RSF1: variants seen among roughly 807,000 people sequenced by gnomAD.
RSF1 encodes HBV pX-associated protein 8.
In RSF1, 13 loss-of-function variants were observed where a neutral mutation model predicts 145.2. The observed-to-expected ratio is 0.09, with a 90% CI of 0.06 to 0.14. RSF1 has a LOEUF of 0.14. Among genes scored for constraint, RSF1 ranks in the 10% least tolerant of loss-of-function variants. RSF1 has a pLI of 1.00. For synonymous variants in RSF1, 577 were observed against 592.6 expected (o/e 0.97, Z 0.38); for missense variants, 1,517 against 1,718.2 (o/e 0.88, Z 2.07).
chr11:77,697,624 CTA>C (rs1960314000), intron 7 of RSF1, among the ~76,000 whole-genome samples: 1 of 148,980 alleles, frequency 6.7e-6, no homozygotes, highest in Admixed American at 6.7e-5. Flanking sequence ...AGAAAGCTCT[CTA>C]TAAAAGTGGT....
At chr11:77,853,992 TC>T in the RSF1 span, among the ~76,000 whole-genome samples, 1 of 56,946 alleles carries the variant, frequency 1.8e-5, no homozygotes, top group South Asian at 8.2e-4. Flanking sequence ...TCCTCCAAAT[TC>T]TTTTTTTTTT....
At chr11:77,867,225 G>T in the RSF1 span, among the ~76,000 whole-genome samples, 12 of 151,874 alleles carry the variant, frequency 7.9e-5, no homozygotes, top group African/African-American at 2.9e-4. Context: ...TCTTTCTCTC[G>T]CCCATTTGTT....
intron 15 of RSF1, among the ~76,000 whole-genome samples, chr11:77,668,754 C>A (rs551066625): frequency 6.6e-6 from 1 of 152,016 alleles, no homozygotes; most frequent in Non-Finnish European, 1.5e-5. Flanking sequence ...AGGTTATATG[C>A]GAATATGACA....
the RSF1 span, among the ~76,000 whole-genome samples, chr11:77,834,131 T>G: frequency 6.6e-6 from 1 of 152,202 alleles, no homozygotes; most frequent in African/African-American, 2.4e-5. Flanking sequence ...TCATGCAGAT[T>G]CATATATACT....
chr11:77,695,895 T>C (rs185871587), intron 7 of RSF1, among the ~76,000 whole-genome samples: 81 of 152,314 alleles, frequency 5.3e-4, no homozygotes, highest in Admixed American at 1.3e-3. Context: ...TCTACCATCA[T>C]AGGGTTCATC....
rs149388887 is a variant in RSF1, at chr11:77,663,356, A to G, written c.*3561T>C. 1 of 152,180 alleles carries G rather than the reference A, an allele frequency of 6.6e-6. No homozygotes were observed. Among genetic ancestry groups the G allele is most frequent in the African/African-American group, 2.4e-5 (1 of 41,452 alleles). The allele number at this position is 152,180 out of a possible 1,614,324, so 9.4% of individuals were successfully genotyped here. On this transcript the variant is annotated 3_prime_UTR_variant, in exon 16 of 16. Transcript: ENST00000308488. ...CAAGTAAATGTCCATGTTTTTCTTAATATGTGTACTTTGCTCAAATGTATA... is the reference window on the plus strand; with the variant it reads ...CAAGTAAATGTCCATGTTTTTCTTAGTATGTGTACTTTGCTCAAATGTATA...
intron 1 of RSF1, among the ~76,000 whole-genome samples, chr11:77,801,341 T>C (rs1948624474): frequency 2.0e-5 from 3 of 151,958 alleles, no homozygotes; most frequent in African/African-American, 7.3e-5. Flanking sequence ...GACAGGAGAA[T>C]CACTTGAACC....
rs189617933 is a variant in RSF1, at chr11:77,721,818, G to A, written c.733+3727C>T. Among the ~76,000 whole-genome samples the A allele has an allele frequency of 1.2e-4, 19 of 152,202 alleles. No homozygotes were observed. In the East Asian group the frequency reaches 3.5e-3, roughly 28 times the overall value. ...AGAAGGTGCACAGTAAGTATTCACT[G>A]AATGAATGAATGAATGAATAAGAAA... On this transcript the variant is annotated intron_variant, in intron 5 of 15. Coordinates refer to ENST00000308488, the MANE Select transcript of RSF1 (RefSeq NM_016578.4).
At chr11:77,779,833 T>A (rs549541323) in intron 1 of RSF1, among the ~76,000 whole-genome samples, 1 of 152,352 alleles carries the variant, frequency 6.6e-6, no homozygotes, top group African/African-American at 2.4e-5. Flanking sequence ...AGTTGCCAGT[T>A]TTTGTTTACT....
chr11:77,865,212 T>G, the RSF1 span, among the ~76,000 whole-genome samples: 1 of 152,200 alleles, frequency 6.6e-6, no homozygotes, highest in Non-Finnish European at 1.5e-5. Flanking sequence ...CTTAGCATGA[T>G]TACTTAGTGT....
chr11:77,857,512 G>T, the RSF1 span, among the ~76,000 whole-genome samples: 1 of 152,048 alleles, frequency 6.6e-6, no homozygotes, highest in Non-Finnish European at 1.5e-5. Flanking sequence ...AATTGGTTGA[G>T]GCTAGATTGA....
At chr11:77,862,451 G>A in the RSF1 span, among the ~76,000 whole-genome samples, 1 of 152,200 alleles carries the variant, frequency 6.6e-6, no homozygotes, top group African/African-American at 2.4e-5. Context: ...AGAGAAAAAG[G>A]TACGTGTACT....
rs1948009410 is a variant in RSF1 at position 77,747,030 on chromosome 11, T to C, written c.372+6A>G. On this transcript the variant is annotated splice_donor_region_variant and intron_variant, in intron 3 of 15. Coordinates refer to ENST00000308488, the MANE Select transcript of RSF1 (RefSeq NM_016578.4). ...AAATAACTGTAACAAATAATAGATTTATTACCTTTAAGAGTGCTAGTTTGC... is the reference window on the plus strand; with the variant it reads ...AAATAACTGTAACAAATAATAGATTCATTACCTTTAAGAGTGCTAGTTTGC... The C allele has an allele frequency of 6.5e-7, 1 of 1,537,810 alleles. No homozygotes were observed. Among genetic ancestry groups the C allele is most frequent in the South Asian group, 1.2e-5 (1 of 86,540 alleles).
chr11:77,820,294 C>T (rs1948848802), intron 1 of RSF1, among the ~76,000 whole-genome samples: 1 of 152,218 alleles, frequency 6.6e-6, no homozygotes, highest in African/African-American at 2.4e-5. Context: ...GCCCGCAACG[C>T]CTCCACCTCA....
Position 77,817,064 on chromosome 11 carries a change from G to T in RSF1, c.187+3464C>A, listed in dbSNP as rs886839483. 9.2e-5 allele frequency among the ~76,000 whole-genome samples: 14 copies of T among 152,072 alleles called. No individual in the cohort carries two copies. The East Asian group carries it at 2.7e-3, about 29-fold the overall frequency. On this transcript the variant is annotated intron_variant, in intron 1 of 15. Coordinates refer to ENST00000308488, the MANE Select transcript of RSF1 (RefSeq NM_016578.4). Reference sequence around the variant, plus strand: ...ATGACACAATAGTCCCTTCTTTCTTGCCCCGAAATTCAATGATAGTTTCTA... The same window carrying T: ...ATGACACAATAGTCCCTTCTTTCTTTCCCCGAAATTCAATGATAGTTTCTA...
At chr11:77,808,005 T>C in intron 1 of RSF1, among the ~76,000 whole-genome samples, 1 of 152,156 alleles carries the variant, frequency 6.6e-6, no homozygotes, top group East Asian at 1.9e-4. Context: ...AGAAAATTAT[T>C]TCGTCGAGCC....
upstream of RSF1, chr11:77,821,036 G>A (rs570512245): frequency 2.3e-5 from 11 of 480,066 alleles, no homozygotes; most frequent in Admixed American, 3.8e-5. Flanking sequence ...GGGCGGGGAG[G>A]CGGGCTGGAA....
chr11:77,670,026 T>G (rs1959479510), intron 15 of RSF1, among the ~76,000 whole-genome samples: 1 of 152,238 alleles, frequency 6.6e-6, no homozygotes, highest in South Asian at 2.1e-4. Context: ...CTTGGGAGGC[T>G]GAGGCAGGTG....
At chr11:77,766,362 G>A (rs995035157) in intron 1 of RSF1, among the ~76,000 whole-genome samples, 5 of 152,102 alleles carry the variant, frequency 3.3e-5, no homozygotes, top group Non-Finnish European at 5.9e-5. Flanking sequence ...AGCTCCTTCT[G>A]AATTTGAAAC....
Sources: gnomAD v4.1 joint callset for allele counts (sites outside exome capture counted in the v4.1 genomes callset) on GRCh38, gnomAD v4.1.1 for gene constraint, MANE v1.5 for transcripts, NCBI Gene and HGNC (gene_info 2026-07-23, HGNC 2026-07-21) for gene names.